ANKS1B: variants seen among roughly 807,000 people sequenced by gnomAD.
ANKS1B encodes the protein ankyrin repeat and sterile alpha motif domain containing 1B, also known as ankyrin repeat and sterile alpha motif domain-containing protein 1B.
ANKS1B carries 36 observed loss-of-function variants against 148.3 expected under a neutral mutation model. The ratio of observed to expected loss-of-function variants is 0.24; its 90% CI spans 0.19 to 0.32. ANKS1B has a LOEUF of 0.32. Ranked by LOEUF, ANKS1B falls within the 10% of genes least tolerant of loss-of-function variation. ANKS1B has a pLI of 1.00. For missense variants in ANKS1B, 1,157 were observed against 1,542.6 expected (o/e 0.75, Z 4.19); for synonymous variants, 542 against 560.8 (o/e 0.97, Z 0.47).
At chr12:99,566,622 T>G (rs1354830210) in intron 9 of ANKS1B, among the ~76,000 whole-genome samples, 1 of 152,074 alleles carries the variant, frequency 6.6e-6, no homozygotes, top group Non-Finnish European at 1.5e-5. Flanking sequence ...CAGGGTACAG[T>G]CCCCATGATG....
At chr12:99,527,244 A>C (rs1342403275) in intron 9 of ANKS1B, among the ~76,000 whole-genome samples, 1 of 152,152 alleles carries the variant, frequency 6.6e-6, no homozygotes, top group Non-Finnish European at 1.5e-5. Context: ...AAAACTTTTG[A>C]TTAATCTCTT....
Position 99,207,135 on chromosome 12 carries a change from T to C in ANKS1B, c.2419+37207A>G, listed in dbSNP as rs114519169. On this transcript the variant is annotated intron_variant, in intron 14 of 26. Coordinates refer to ENST00000683438, the MANE Select transcript of ANKS1B (RefSeq NM_001352186.2). ...AATATTCAGAAAACCCTGTCTTGCA[T>C]TGTGCTATTCTTTAAGTGCCTTCAG... Among the ~76,000 whole-genome samples, 1,311 of 152,302 alleles carry C rather than the reference T, an allele frequency of 8.6e-3. 23 individuals are homozygous for C. Among genetic ancestry groups the C allele is most frequent in the African/African-American group, 0.03 (1,257 of 41,566 alleles).
At chr12:98,855,790 A>C (rs2099568091) in intron 17 of ANKS1B, among the ~76,000 whole-genome samples, 1 of 152,022 alleles carries the variant, frequency 6.6e-6, no homozygotes, top group Non-Finnish European at 1.5e-5. Context: ...AAATGTTTGT[A>C]AACTGCAAAA....
intron 17 of ANKS1B, among the ~76,000 whole-genome samples, chr12:98,975,327 T>G (rs1245631573): frequency 1.3e-5 from 2 of 148,540 alleles, no homozygotes; most frequent in Non-Finnish European, 3.0e-5. Flanking sequence ...TTTTCCTCCT[T>G]CTTTCCTTTC....
chr12:99,825,430 G>A, intron 1 of ANKS1B, 41 bp from the exon 2 acceptor site: 1 of 1,507,886 alleles, frequency 6.6e-7, no homozygotes, highest in South Asian at 1.2e-5. Flanking sequence ...AGTGAAGCCA[G>A]ATCTTGCCTT....
At chr12:98,852,022 CAAAAAAAAAAA>C (rs35129903) in intron 17 of ANKS1B, among the ~76,000 whole-genome samples, 5 of 61,114 alleles carry the variant, frequency 8.2e-5, no homozygotes, top group Admixed American at 2.9e-4. Context: ...GACTCCATCT[CAAAAAAAAAAA>C]AAAAAAAAAA....
chr12:99,238,356 G>C (rs560427238), intron 14 of ANKS1B, among the ~76,000 whole-genome samples: 1 of 152,182 alleles, frequency 6.6e-6, no homozygotes, highest in Non-Finnish European at 1.5e-5. Context: ...AGGGGCATCC[G>C]TCACTGTTGA....
At chr12:98,821,913 C>CTTT (rs35654710) in intron 19 of ANKS1B, among the ~76,000 whole-genome samples, 14 of 137,802 alleles carry the variant, frequency 1.0e-4, no homozygotes, top group Admixed American at 5.1e-4. Context: ...TGGCCTGGGA[C>CTTT]TTTTTTTTTT....
At chr12:99,647,960 C>A (rs1304964866) in intron 9 of ANKS1B, 3 of 637,390 alleles carry the variant, frequency 4.7e-6, no homozygotes, top group African/African-American at 3.7e-5. Flanking sequence ...AGGGCACAGT[C>A]TGGATCCAGG....
chr12:99,369,791 T>TAGATAGATAGATAGATGGATGGAC lies in ANKS1B; in HGVS notation c.1756+29839_1756+29840insGTCCATCCATCTATCTATCTATCT, dbSNP rs879173702. Among the ~76,000 whole-genome samples, 15 of 148,892 alleles carry TAGATAGATAGATAGATGGATGGAC rather than the reference T, an allele frequency of 1.0e-4. No individual in the cohort carries two copies. In the East Asian group the frequency reaches 2.6e-3, roughly 26 times the overall value. On this transcript the variant is annotated intron_variant, in intron 12 of 26. Transcript: ENST00000683438. ...ATAGATAGATAGATAGATAGATAGA[T>TAGATAGATAGATAGATGGATGGAC]GGACGGACGGACAGACGGACGGACG...
chr12:99,724,512 G>C (rs561608384), intron 8 of ANKS1B, among the ~76,000 whole-genome samples: 1 of 152,270 alleles, frequency 6.6e-6, no homozygotes, highest in East Asian at 1.9e-4. Context: ...TATGTAAAAA[G>C]ACCGAACCTA....
intron 1 of ANKS1B, among the ~76,000 whole-genome samples, chr12:99,872,891 A>G (rs1344749642): frequency 6.6e-6 from 1 of 152,140 alleles, no homozygotes; most frequent in African/African-American, 2.4e-5. Flanking sequence ...CTTATTCTCA[A>G]TTGTTTCCAA....
intron 17 of ANKS1B, among the ~76,000 whole-genome samples, chr12:99,026,853 G>A (rs556441067): frequency 2.0e-5 from 3 of 152,236 alleles, no homozygotes; most frequent in South Asian, 2.1e-4. Context: ...AAAAGGACTC[G>A]CCATAGGACT....
At chr12:98,874,568 G>A (rs776076667) in intron 17 of ANKS1B, among the ~76,000 whole-genome samples, 1 of 152,072 alleles carries the variant, frequency 6.6e-6, no homozygotes, top group Non-Finnish European at 1.5e-5. Flanking sequence ...TGTTGTTTGG[G>A]GTGGATAGAA....
At chr12:99,616,280 G>GA (rs1420329739) in intron 9 of ANKS1B, among the ~76,000 whole-genome samples, 1 of 152,222 alleles carries the variant, frequency 6.6e-6, no homozygotes, top group Non-Finnish European at 1.5e-5. Context: ...CACAGAATTA[G>GA]AAAAAACTAC....
intron 1 of ANKS1B, among the ~76,000 whole-genome samples, chr12:99,829,493 A>C (rs1307737894): frequency 1.3e-5 from 2 of 152,174 alleles, no homozygotes; most frequent in African/African-American, 4.8e-5. Context: ...TACTAAAAAT[A>C]CAAAAAAATT....
At chr12:98,937,645 T>G (rs563225099) in intron 17 of ANKS1B, among the ~76,000 whole-genome samples, 5 of 152,262 alleles carry the variant, frequency 3.3e-5, no homozygotes, top group African/African-American at 1.2e-4. Context: ...CACTCCTTCC[T>G]TGGGCTTCCA....
chr12:99,908,623 T>C (rs1390964488), intron 1 of ANKS1B, among the ~76,000 whole-genome samples: 1 of 152,112 alleles, frequency 6.6e-6, no homozygotes, highest in African/African-American at 2.4e-5. Context: ...ATTCAATACA[T>C]TTTTTCCAAT....
At position 99,365,204 on chromosome 12, in the gene ANKS1B, C is replaced by G. The variant is rs118075983; in HGVS notation, c.1756+34427G>C. Among the ~76,000 whole-genome samples, 31 of 152,234 alleles carry G rather than the reference C, an allele frequency of 2.0e-4. No individual in the cohort carries two copies. The East Asian group carries it at 5.8e-3, about 28-fold the overall frequency. The stretch of plus-strand genomic sequence containing the variant: ...AGCTCCTGCCGCCCACAAGGGCTGC[C>G]CACATGGGCAGACACACACCAGTGA... On this transcript the variant is annotated intron_variant, in intron 12 of 26. Transcript: ENST00000683438.
Sources: allele counts gnomAD v4.1 joint callset (sites outside exome capture counted in the v4.1 genomes callset), GRCh38; gene constraint gnomAD v4.1.1; transcripts MANE v1.5; gene names NCBI Gene and HGNC (gene_info 2026-07-23, HGNC 2026-07-21).